TMEM94: variants seen among roughly 807,000 people sequenced by gnomAD.
The protein encoded by TMEM94 is ER Mg2+ ATPase.
A neutral mutation model predicts 158.6 loss-of-function variants in TMEM94; 81 were observed. The observed-to-expected ratio is 0.51, with a 90% CI of 0.43 to 0.61. The LOEUF (loss-of-function observed/expected upper bound fraction) is 0.61, where lower values mean the gene tolerates loss of function less well. TMEM94 is among the 20% of genes least tolerant of loss of function. The pLI, the probability that TMEM94 is intolerant of heterozygous loss-of-function variation, is 0.00. For missense variants in TMEM94, 1,435 were observed against 1,762.0 expected (o/e 0.81, Z 3.32); for synonymous variants, 751 against 730.7 (o/e 1.03, Z -0.45).
At chr17:75,474,205 A>G (rs956231731) in intron 2 of TMEM94, among the ~76,000 whole-genome samples, 1 of 151,362 alleles carries the variant, frequency 6.6e-6, no homozygotes, top group Non-Finnish European at 1.5e-5. Context: ...GTATAAATGG[A>G]CTTATAAAGA....
rs1027122951 is a variant in TMEM94, at chr17:75,487,196, G to C, written c.410-736G>C. 1 of 152,400 alleles carries C rather than the reference G, an allele frequency of 6.6e-6. No homozygotes were observed. Among genetic ancestry groups the C allele is most frequent in the Non-Finnish European group, 1.5e-5 (1 of 68,198 alleles). 9.4% of individuals were successfully genotyped at this position (152,400 alleles called of 1,614,324 possible). A position where few individuals can be genotyped will look rare whatever the true frequency, so the allele number is the denominator to read the frequency against. Reference sequence around the variant, plus strand: ...AGTCTCCTGCCCAGGAGCATCAGTGGCTCCCTTTTGCTTATGGAAGCCATC... The same window carrying C: ...AGTCTCCTGCCCAGGAGCATCAGTGCCTCCCTTTTGCTTATGGAAGCCATC... On this transcript the variant is annotated intron_variant, in intron 5 of 31. Transcript: ENST00000314256. This position sits in a 1 kb window ranked among gnomAD's most constrained non-coding sequence, Gnocchi z 4.6.
At position 75,482,481 on chromosome 17, in the gene TMEM94, TGG is replaced by T. The variant is rs1426786760; in HGVS notation, c.25-2945_25-2944del. Reference sequence around the variant, plus strand: ...CATGCCCACGCCACTGCATCCAGCCTGGGCAGCAGAGCAAGACCCTGTCTCAA... The same window carrying T: ...CATGCCCACGCCACTGCATCCAGCCTGCAGCAGAGCAAGACCCTGTCTCAA... On this transcript the variant is annotated intron_variant, in intron 2 of 31. Transcript: ENST00000314256. 1.0e-3 allele frequency among the ~76,000 whole-genome samples: 155 copies of T among 152,294 alleles called. 3 individuals are homozygous for T. In the South Asian group the frequency reaches 0.021, roughly 21 times the overall value.
rs1264891338 is a variant in TMEM94 at position 75,462,007 on chromosome 17, TTTTG to T, written c.-107+5260_-107+5263del. Among the ~76,000 whole-genome samples, 8 of 92,034 alleles carry T rather than the reference TTTTG, an allele frequency of 8.7e-5. 1 individual carries two copies. The South Asian group carries it at 1.5e-3, about 18-fold the overall frequency. 60.4% of individuals were successfully genotyped at this position (92,034 alleles called of 152,430 possible). A position where few individuals can be genotyped will look rare whatever the true frequency, so the allele number is the denominator to read the frequency against. ...TTACAGTTTTTTTTGTTTTGTTTTG[TTTTG>T]TTTTTTTTTTTTTTGAGGCAGAGTC... On this transcript the variant is annotated intron_variant, in intron 1 of 31. Transcript: ENST00000314256.
chr17:75,492,761 G>A lies in TMEM94; in HGVS notation c.1884G>A (p.Trp628Ter). ...HSAVLPVHVP[W>*]GLCELARLIG... ...CCGTGCTGCCCGTCCATGTGCCCTG[G>A]GGCCTCTGCGAGCTTGCCCGCCTCA... The change falls in exon 15 of 32, where the codon TGG (tryptophan) becomes TGA (stop). Residue 628 changes from tryptophan to a stop codon, truncating the protein, a stop_gained. Coordinates refer to ENST00000314256, the MANE Select transcript of TMEM94 (RefSeq NM_014738.6). LOFTEE classifies it high-confidence loss of function. This position sits in a 1 kb window ranked among gnomAD's most constrained non-coding sequence, Gnocchi z 4.4. 1 of 1,607,924 alleles carries A rather than the reference G, an allele frequency of 6.2e-7. No individual in the cohort carries two copies. Among genetic ancestry groups the A allele is most frequent in the African/African-American group, 1.3e-5 (1 of 75,038 alleles).
chr17:75,486,795 G>C (rs1489665240), intron 5 of TMEM94, among the ~76,000 whole-genome samples: 1 of 152,196 alleles, frequency 6.6e-6, no homozygotes, highest in African/African-American at 2.4e-5. Flanking sequence ...TGGGAAGGTG[G>C]GCAGACATAC....
intron 4 of TMEM94, 118 bp downstream of exon 4, chr17:75,486,116 A>G: frequency 6.9e-7 from 1 of 1,446,390 alleles, no homozygotes; most frequent in Non-Finnish European, 9.2e-7. Flanking sequence ...CTGGGATGTA[A>G]GGGAACCTCC....
At chr17:75,467,886 A>G (rs538682613) in intron 1 of TMEM94, among the ~76,000 whole-genome samples, 2 of 152,210 alleles carry the variant, frequency 1.3e-5, no homozygotes, top group South Asian at 4.1e-4. Context: ...CCTAAGTGGC[A>G]CTTGGTTCAT....
chr17:75,459,727 T>G (rs990404474), intron 1 of TMEM94: 1 of 152,168 alleles, frequency 6.6e-6, no homozygotes, highest in African/African-American at 2.4e-5. Flanking sequence ...TTAAGTCCAT[T>G]CCTGGTGTTC....
chr17:75,476,701 G>A, intron 2 of TMEM94: 1 of 1,535,734 alleles, frequency 6.5e-7, no homozygotes, highest in Non-Finnish European at 8.7e-7. Context: ...TGCTCTTTAA[G>A]CAGGCAGAGC....
Position 75,499,252 on chromosome 17 carries a change from GC to G in TMEM94, c.3999-6del. ...TTGCCAACCTGTACTTTAATCTCCT[GC>G]CCCACCAGGGTCCGAGTCCGCTACC... is the stretch of plus-strand genomic sequence containing the variant. On this transcript the variant is annotated splice_polypyrimidine_tract_variant and intron_variant, in intron 31 of 31. Transcript: ENST00000314256. The G allele has an allele frequency of 6.2e-7, 1 of 1,613,488 alleles. No individual in the cohort carries two copies. Among genetic ancestry groups the G allele is most frequent in the Non-Finnish European group, 8.5e-7 (1 of 1,179,936 alleles).
chr17:75,479,014 G>A (rs1567925782), intron 2 of TMEM94, among the ~76,000 whole-genome samples: 1 of 152,176 alleles, frequency 6.6e-6, no homozygotes, highest in Non-Finnish European at 1.5e-5. Context: ...CCCTCGCTAT[G>A]CCCTGCCATT....
rs144659985 is a variant in TMEM94, at chr17:75,494,911, A to G, written c.2605A>G (p.Met869Val). Reference sequence around the variant, plus strand: ...CCTTTCACAGGTGTTTGCAGAAAAAATGGGCCTGGAGACAGGCTGGAACTG... The same window carrying G: ...CCTTTCACAGGTGTTTGCAGAAAAAGTGGGCCTGGAGACAGGCTGGAACTG... Reference protein sequence around the residue: ...ELKSKVFAEKMGLETGWNCHI... With the variant: ...ELKSKVFAEKVGLETGWNCHI... The change falls in exon 20 of 32, where the codon ATG (methionine) becomes GTG (valine). Residue 869 changes from methionine (M) to valine (V), a missense_variant. This residue lies in a region of TMEM94 where 1,051 missense variants were observed against 1,254.4 expected (regional missense o/e 0.84). Transcript: ENST00000314256. 28 of 1,613,404 alleles carry G rather than the reference A, an allele frequency of 1.7e-5. No individual in the cohort carries two copies. Among genetic ancestry groups the G allele is most frequent in the Non-Finnish European group, 2.2e-5 (26 of 1,180,012 alleles).
intron 1 of TMEM94, among the ~76,000 whole-genome samples, chr17:75,470,322 A>T (rs1391190077): frequency 3.3e-5 from 5 of 151,892 alleles, no homozygotes; most frequent in Non-Finnish European, 5.9e-5. Flanking sequence ...AAATTAAAAA[A>T]AATAATAATA....
Position 75,497,832 on chromosome 17 carries a change from G to T in TMEM94, c.3459G>T (p.Thr1153=), listed in dbSNP as rs757421035. ...ATAGCTCCATCATGTCTATGGCAAC[G>T]GGGAAAAACCTCCAGTCCATTCCCA... ...PPHSSIMSMA[T]GKNLQSIPKK... is the part of the protein sequence containing the mutation. The change falls in exon 27 of 32, where the codon ACG becomes ACT. Residue 1153 remains threonine (T), a synonymous_variant. Transcript: ENST00000314256. 1 of 1,613,908 alleles carries T rather than the reference G, an allele frequency of 6.2e-7. No individual in the cohort carries two copies. Among genetic ancestry groups the T allele is most frequent in the South Asian group, 1.1e-5 (1 of 91,084 alleles).
At chr17:75,480,243 G>A (rs2051055789) in intron 2 of TMEM94, among the ~76,000 whole-genome samples, 1 of 152,228 alleles carries the variant, frequency 6.6e-6, no homozygotes. Context: ...AGAACGCTGG[G>A]TCCTCACTGC....
intron 2 of TMEM94, among the ~76,000 whole-genome samples, chr17:75,479,429 C>T (rs1446691293): frequency 6.6e-6 from 1 of 152,130 alleles, no homozygotes; most frequent in Admixed American, 6.5e-5. Context: ...AAGCGATTCC[C>T]CTGCCTCAGC....
In TMEM94 at chr17:75,486,028, C is replaced by G. The variant is rs1369096996; in HGVS notation, c.272+30C>G. On this transcript the variant is annotated intron_variant, in intron 4 of 31. Coordinates refer to ENST00000314256, the MANE Select transcript of TMEM94 (RefSeq NM_014738.6). Reference sequence around the variant, plus strand: ...GCGCCCAGGGGCTGCTCCCCAACCTCTCCAGCTGTGCTGTCCATCCTGCCG... The same window carrying G: ...GCGCCCAGGGGCTGCTCCCCAACCTGTCCAGCTGTGCTGTCCATCCTGCCG... 4.7e-6 allele frequency: 7 copies of G among 1,491,188 alleles called. No individual in the cohort carries two copies. In the Admixed American group the frequency reaches 1.4e-4, roughly 29 times the overall value. 92.4% of individuals were successfully genotyped at this position (1,491,188 alleles called of 1,614,324 possible). A position where few individuals can be genotyped will look rare whatever the true frequency, so the allele number is the denominator to read the frequency against.
chr17:75,479,212 A>C (rs2050958571), intron 2 of TMEM94, among the ~76,000 whole-genome samples: 1 of 152,154 alleles, frequency 6.6e-6, no homozygotes, highest in Non-Finnish European at 1.5e-5. Context: ...TCACGCCTAT[A>C]ATCCCAGCCC....
At chr17:75,486,095 C>G (rs546446993) in intron 4 of TMEM94, 97 bp downstream of exon 4, 11 of 1,468,356 alleles carry the variant, frequency 7.5e-6, no homozygotes, top group Admixed American at 4.8e-5. Context: ...GCTGTCACCC[C>G]CAAGCTGCTC....
Sources: allele counts gnomAD v4.1 joint callset (sites outside exome capture counted in the v4.1 genomes callset), GRCh38; gene constraint gnomAD v4.1.1; regional missense constraint gnomAD v4.1.1; non-coding constraint Gnocchi (gnomAD v3.1); transcripts MANE v1.5; gene names NCBI Gene and HGNC (gene_info 2026-07-23, HGNC 2026-07-21).